HNF4A: variants seen among roughly 807,000 people sequenced by gnomAD.
HNF4A encodes the protein hepatocyte nuclear factor 4-alpha.
HNF4A carries 15 observed loss-of-function variants against 52.4 expected under a neutral mutation model. The observed-to-expected ratio is 0.29, with a 90% CI of 0.19 to 0.44. The LOEUF is 0.44. HNF4A is among the 20% of genes least tolerant of loss of function. The pLI, the probability that HNF4A is intolerant of heterozygous loss-of-function variation, is 1.00. For missense variants in HNF4A, 479 were observed against 647.2 expected (o/e 0.74, Z 2.82); for synonymous variants, 280 against 264.4 (o/e 1.06, Z -0.57).
In HNF4A at chr20:44,432,346, T is replaced by C. The variant is rs989279481; in HGVS notation, c.*2681T>C. The C allele has an allele frequency of 8.4e-5, 9 of 107,190 alleles. No individual in the cohort carries two copies. Among genetic ancestry groups the C allele is most frequent in the African/African-American group, 3.5e-4 (9 of 25,636 alleles). The allele number at this position is 107,190 out of a possible 1,614,324, so 6.6% of individuals were successfully genotyped here. A position where few individuals can be genotyped will look rare whatever the true frequency, so the allele number is the denominator to read the frequency against. On this transcript the variant is annotated 3_prime_UTR_variant, in exon 10 of 10. Coordinates refer to ENST00000316099, the MANE Select transcript of HNF4A (RefSeq NM_000457.6). ...GATATTAGAAAATCTCTCGCTCTCT[T>C]TTTTTTTTTTTTTTTTTTTTTTGGC... is the stretch of plus-strand genomic sequence containing the variant.
chr20:44,424,546 T>C, intron 8 of HNF4A: 2 of 1,103,178 alleles, frequency 1.8e-6, no homozygotes, highest in South Asian at 3.0e-5. Context: ...TGAGTATGTA[T>C]GGATGCGTGG....
At position 44,355,755 on chromosome 20, in the gene HNF4A, G is replaced by C. The variant is rs184086863; in HGVS notation, c.-50G>C. 1.2e-3 allele frequency: 1,901 copies of C among 1,577,380 alleles called. 23 individuals are homozygous for C. In the Admixed American group the frequency reaches 0.019, roughly 16 times the overall value. Reference sequence around the variant, plus strand: ...TGGTGGCTGTGCTGCTGCTGTGAGCGGGCCCCTGCTCCTCCATGCCCCCAG... The same window carrying C: ...TGGTGGCTGTGCTGCTGCTGTGAGCCGGCCCCTGCTCCTCCATGCCCCCAG... On this transcript the variant is annotated 5_prime_UTR_variant, in exon 1 of 10. Coordinates refer to the HNF4A transcript ENST00000316673.
upstream of HNF4A, among the ~76,000 whole-genome samples, chr20:44,400,678 C>T (rs557482177): frequency 6.6e-6 from 1 of 152,038 alleles, no homozygotes; most frequent in African/African-American, 2.4e-5. Flanking sequence ...GGAGCAGGAG[C>T]GGGGAATTGG....
At chr20:44,386,026 A>AT (rs1260611121) in intron 1 of HNF4A, among the ~76,000 whole-genome samples, 13 of 119,562 alleles carry the variant, frequency 1.1e-4, no homozygotes, top group Non-Finnish European at 1.8e-4. Flanking sequence ...CGCCTGGCTA[A>AT]TTTTTTTTTT....
intron 1 of HNF4A, among the ~76,000 whole-genome samples, chr20:44,360,671 C>G (rs780843242): frequency 1.3e-5 from 2 of 152,186 alleles, no homozygotes; most frequent in Non-Finnish European, 2.9e-5. Flanking sequence ...TGTCAACAAT[C>G]TTCCATCAGG....
At position 44,406,137 on chromosome 20, in the gene HNF4A, C is replaced by T; in HGVS notation, c.195C>T (p.Asp65=). The T allele has an allele frequency of 6.2e-7, 1 of 1,613,866 alleles. No homozygotes were observed. Among genetic ancestry groups the T allele is most frequent in the Non-Finnish European group, 8.5e-7 (1 of 1,180,036 alleles). The change falls in exon 2 of 10, where the codon GAC becomes GAT. Residue 65 remains aspartate, a synonymous_variant. Coordinates refer to ENST00000316099, the MANE Select transcript of HNF4A (RefSeq NM_000457.6). ...GCGCCCTGTGTGCCATCTGCGGGGACCGGGCCACGGGCAAACACTACGGTG... is the reference window on the plus strand; with the variant it reads ...GCGCCCTGTGTGCCATCTGCGGGGATCGGGCCACGGGCAAACACTACGGTG...
At chr20:44,377,098 T>C (rs2080272452) in intron 1 of HNF4A, among the ~76,000 whole-genome samples, 2 of 152,050 alleles carry the variant, frequency 1.3e-5, no homozygotes, top group South Asian at 2.1e-4. Flanking sequence ...TGAAGTACTA[T>C]ACAGTCATAA....
At chr20:44,421,722 C>G (rs1024427979) in intron 7 of HNF4A, among the ~76,000 whole-genome samples, 1 of 150,328 alleles carries the variant, frequency 6.7e-6, no homozygotes, top group Non-Finnish European at 1.5e-5. Flanking sequence ...CCATTGCACT[C>G]CAGCCTGGGC....
Position 44,406,167 on chromosome 20 carries a change from G to T in HNF4A, c.225G>T (p.Ser75=), listed in dbSNP as rs774781031. The T allele has an allele frequency of 6.2e-7, 1 of 1,613,840 alleles. No homozygotes were observed. Among genetic ancestry groups the T allele is most frequent in the Non-Finnish European group, 8.5e-7 (1 of 1,180,034 alleles). ...CCACGGGCAAACACTACGGTGCCTC[G>T]AGCTGTGACGGCTGCAAGGGCTTCT... The change falls in exon 2 of 10, where the codon TCG becomes TCT. Residue 75 remains serine (S), a synonymous_variant. Coordinates refer to ENST00000316099, the MANE Select transcript of HNF4A (RefSeq NM_000457.6).
intron 1 of HNF4A, among the ~76,000 whole-genome samples, chr20:44,364,466 AT>A (rs147934933): frequency 0.17 from 26,317 of 150,832 alleles, 2,533 homozygotes; most frequent in Middle Eastern, 0.26. Flanking sequence ...AGGTCATGCA[AT>A]TTTTTTTTTA....
intron 1 of HNF4A, among the ~76,000 whole-genome samples, chr20:44,374,156 A>G (rs2063061515): frequency 6.6e-6 from 1 of 152,164 alleles, no homozygotes; most frequent in African/African-American, 2.4e-5. Flanking sequence ...AGAAGTCCGC[A>G]GCGTCTATTG....
In HNF4A at chr20:44,362,417, T is replaced by C. The variant is rs533176731; in HGVS notation, c.49+6564T>C. ...CCTGGGCAACAGAGGGAAACTTGTC[T>C]TAAAAAAAAAAAAAAAAAAAAAAAG... On this transcript the variant is annotated intron_variant, in intron 1 of 9. Coordinates refer to the HNF4A transcript ENST00000316673. 3.1e-3 allele frequency among the ~76,000 whole-genome samples: 357 copies of C among 115,616 alleles called. 1 individual carries two copies. The highest frequency in any genetic ancestry group is 0.01 in the African/African-American group (321 of 30,676). 75.8% of individuals were successfully genotyped at this position (115,616 alleles called of 152,430 possible). A position where few individuals can be genotyped will look rare whatever the true frequency, so the allele number is the denominator to read the frequency against.
At chr20:44,414,743 C>A (rs1199417330) in intron 5 of HNF4A, 81 bp downstream of exon 5, 18 of 1,346,432 alleles carry the variant, frequency 1.3e-5, no homozygotes, top group East Asian at 2.5e-5. Context: ...TGGGATATAG[C>A]CGTGGACTGG....
At chr20:44,418,347 T>C (rs1250827744) in intron 5 of HNF4A, 78 bp from the exon 6 acceptor site, 1 of 1,142,204 alleles carries the variant, frequency 8.8e-7, no homozygotes, top group East Asian at 2.3e-5. Flanking sequence ...TAAGCTGACT[T>C]GCCCAGCGTC....
chr20:44,402,533 T>A, intron 1 of HNF4A: 1 of 1,353,662 alleles, frequency 7.4e-7, no homozygotes, highest in African/African-American at 1.5e-5. Context: ...ATCAGCAACA[T>A]GTCCGTTTGT....
chr20:44,364,113 G>A (rs897242644), intron 1 of HNF4A, among the ~76,000 whole-genome samples: 5 of 152,248 alleles, frequency 3.3e-5, no homozygotes, highest in South Asian at 2.1e-4. Flanking sequence ...GGTAATGTGG[G>A]TAGGGACGTG....
intron 5 of HNF4A, among the ~76,000 whole-genome samples, chr20:44,416,850 C>T (rs1047158000): frequency 7.9e-5 from 12 of 152,176 alleles, no homozygotes; most frequent in Admixed American, 6.5e-4. Flanking sequence ...CCCCATCTAA[C>T]GTAGCCATTC....
chr20:44,426,551 C>A (rs910477640), intron 8 of HNF4A, among the ~76,000 whole-genome samples: 18 of 152,082 alleles, frequency 1.2e-4, no homozygotes, highest in Admixed American at 9.2e-4. Context: ...CACCTGTAAT[C>A]CTAGCACTTT....
intron 3 of HNF4A, among the ~76,000 whole-genome samples, chr20:44,410,469 T>C (rs1483456618): frequency 6.6e-6 from 1 of 151,812 alleles, no homozygotes; most frequent in Non-Finnish European, 1.5e-5. Flanking sequence ...TTCCTAGCTG[T>C]GCCTGTCTTC....
Sources: gnomAD v4.1 joint callset for allele counts (sites outside exome capture counted in the v4.1 genomes callset) on GRCh38, gnomAD v4.1.1 for gene constraint, MANE v1.5 for transcripts, NCBI Gene and HGNC (gene_info 2026-07-23, HGNC 2026-07-21) for gene names.